The following SPAM1 variants were observed in gnomAD, a reference collection of about 807,000 sequenced individuals.
SPAM1 encodes sperm adhesion molecule 1.
Under a neutral mutation model 29.6 loss-of-function variants are expected in SPAM1, and 22 were observed. That is an observed-to-expected ratio of 0.74 (90% CI 0.53 to 1.06). The LOEUF is 1.06. Ranked by LOEUF, SPAM1 falls within the 50% of genes least tolerant of loss-of-function variation. SPAM1 has a pLI of 0.00. For missense variants in SPAM1, 534 were observed against 604.0 expected, an observed-to-expected ratio of 0.88 and a Z score of 1.21; for synonymous variants, 194 against 204.6, an observed-to-expected ratio of 0.95 and a Z score of 0.44.
At chr7:123,937,908 C>T (rs1808306938) in intron 1 of SPAM1, among the ~76,000 whole-genome samples, 1 of 151,922 alleles carries the variant, frequency 6.6e-6, no homozygotes, top group Non-Finnish European at 1.5e-5. Context: ...TGTGAGAAGA[C>T]AGAAAAAAAG....
chr7:123,926,011 A>G (rs556084633), intron 1 of SPAM1: 1 of 152,324 alleles, frequency 6.6e-6, no homozygotes, highest in South Asian at 2.1e-4. Flanking sequence ...AGGAAAATAA[A>G]AACTCAGAAC....
chr7:123,966,223 C>G (rs1157235042), intron 5 of SPAM1, among the ~76,000 whole-genome samples: 1 of 151,920 alleles, frequency 6.6e-6, no homozygotes, highest in African/African-American at 2.4e-5. Context: ...CAATGAGATA[C>G]CAGCTCACAC....
Position 123,968,948 on chromosome 7 carries a change from C to A in SPAM1, c.1486-1250C>A, listed in dbSNP as rs1407614329. On this transcript the variant is annotated intron_variant, in intron 5 of 6. Coordinates refer to the SPAM1 transcript ENST00000340011. ...TTTTGATTACTTGCTCTGGGCCAGG[C>A]CTGTGTTAAGAAATTATAGGCATTT... 2.6e-5 allele frequency among the ~76,000 whole-genome samples: 4 copies of A among 151,938 alleles called. No individual in the cohort carries two copies. The East Asian group carries it at 7.8e-4, about 29-fold the overall frequency.
At chr7:123,936,321 A>G (rs1159325811) in intron 1 of SPAM1, among the ~76,000 whole-genome samples, 2 of 152,148 alleles carry the variant, frequency 1.3e-5, no homozygotes, top group Admixed American at 6.5e-5. Context: ...GATTAGGGTT[A>G]TTGATTGGTT....
At chr7:123,927,723 G>C (rs1363050259) in intron 1 of SPAM1, among the ~76,000 whole-genome samples, 2 of 152,182 alleles carry the variant, frequency 1.3e-5, no homozygotes, top group African/African-American at 4.8e-5. Flanking sequence ...AAAGAAAGAG[G>C]TTATTAATGT....
intron 5 of SPAM1, among the ~76,000 whole-genome samples, chr7:123,967,466 G>A (rs1224306386): frequency 6.6e-6 from 1 of 152,004 alleles, no homozygotes; most frequent in East Asian, 1.9e-4. Context: ...GGAAATGGTA[G>A]GGTAGGAAAT....
At chr7:123,954,632 A>G (rs1257027251) in intron 3 of SPAM1, 108 bp downstream of exon 3, 2 of 726,718 alleles carry the variant, frequency 2.8e-6, no homozygotes, top group Non-Finnish European at 4.4e-6. Flanking sequence ...AATATTAGTC[A>G]GGAATGTGTA....
At position 123,951,915 on chromosome 7, in the gene SPAM1, C is replaced by T. The variant is rs113120289; in HGVS notation, c.-206-1450C>T. Among the ~76,000 whole-genome samples, 191 of 152,218 alleles carry T rather than the reference C, an allele frequency of 1.3e-3. 1 individual carries two copies. The highest frequency in any genetic ancestry group is 2.5e-3 in the South Asian group (12 of 4,824). ...CGGATTACAGGCATGAGCCATCATGCCCAGCTCCCCATCTTTTTCTTACAT... is the reference window on the plus strand; with the variant it reads ...CGGATTACAGGCATGAGCCATCATGTCCAGCTCCCCATCTTTTTCTTACAT... On this transcript the variant is annotated intron_variant, in intron 2 of 4. Coordinates refer to ENST00000682466, the MANE Select transcript of SPAM1 (RefSeq NM_153189.3).
downstream of SPAM1, among the ~76,000 whole-genome samples, chr7:123,961,589 C>T (rs116018630): frequency 4.7e-3 from 719 of 152,032 alleles, 9 homozygotes; most frequent in African/African-American, 0.016. Context: ...TTTAGACTGA[C>T]TCCATACCTT....
In SPAM1 at chr7:123,931,728, G is replaced by A. The variant is rs76698654; in HGVS notation, c.-319+6376G>A. 6.8e-4 allele frequency among the ~76,000 whole-genome samples: 104 copies of A among 152,068 alleles called. 3 individuals are homozygous for A. In the East Asian group the frequency reaches 0.019, roughly 27 times the overall value. On this transcript the variant is annotated intron_variant, in intron 1 of 4. Coordinates refer to ENST00000682466, the MANE Select transcript of SPAM1 (RefSeq NM_153189.3). ...TTGATTTTTCAGCATACCCTCCAAT[G>A]TCTAGTGTTCCTAGCCTTATGGTAG...
intron 6 of SPAM1, chr7:123,970,327 G>A (rs911526870): frequency 6.7e-7 from 1 of 1,484,828 alleles, no homozygotes; most frequent in Non-Finnish European, 9.1e-7. Flanking sequence ...TCTTCCATAT[G>A]TTTCTGTCTG....
intron 4 of SPAM1, among the ~76,000 whole-genome samples, chr7:123,958,177 A>C (rs1368477192): frequency 1.3e-5 from 2 of 152,054 alleles, no homozygotes; most frequent in African/African-American, 4.8e-5. Flanking sequence ...ATATATTCAG[A>C]TGGAAGCTGC....
At chr7:123,940,656 C>A (rs1165911152) in intron 1 of SPAM1, among the ~76,000 whole-genome samples, 2 of 151,840 alleles carry the variant, frequency 1.3e-5, no homozygotes, top group Admixed American at 1.3e-4. Context: ...GCCCAGCTAA[C>A]TTTTTTATTT....
chr7:123,951,780 C>G (rs1483912220), intron 2 of SPAM1, among the ~76,000 whole-genome samples: 1 of 152,042 alleles, frequency 6.6e-6, no homozygotes, highest in Non-Finnish European at 1.5e-5. Context: ...TACCACCATG[C>G]TTGGCTAATT....
downstream of SPAM1, among the ~76,000 whole-genome samples, chr7:123,964,047 GAC>G (rs1554431794): frequency 6.6e-6 from 1 of 151,536 alleles, no homozygotes; most frequent in African/African-American, 2.4e-5. Context: ...TATTTTATAA[GAC>G]AGTATATTAA....
intron 5 of SPAM1, among the ~76,000 whole-genome samples, chr7:123,965,922 T>C (rs879476708): frequency 1.3e-5 from 2 of 152,022 alleles, no homozygotes; most frequent in Non-Finnish European, 2.9e-5. Flanking sequence ...TATTGACAAG[T>C]GCGATCTAAT....
At chr7:123,948,954 T>G (rs1461424743) in intron 1 of SPAM1, among the ~76,000 whole-genome samples, 1 of 148,746 alleles carries the variant, frequency 6.7e-6, no homozygotes, top group African/African-American at 2.4e-5. Flanking sequence ...AGCTGAGGAC[T>G]AAGCCAAGAA....
downstream of SPAM1, chr7:123,960,110 G>A (rs1792339623): frequency 2.5e-6 from 3 of 1,206,046 alleles, no homozygotes; most frequent in Middle Eastern, 5.5e-4. Flanking sequence ...AGGAAATGAC[G>A]ATTTTCTTTG....
At chr7:123,945,182 A>G (rs961558753) in intron 1 of SPAM1, among the ~76,000 whole-genome samples, 7 of 152,124 alleles carry the variant, frequency 4.6e-5, no homozygotes, top group African/African-American at 1.4e-4. Flanking sequence ...CTTTATTTCT[A>G]TAACTTTCTT....
Sources: allele counts gnomAD v4.1 joint callset (sites outside exome capture counted in the v4.1 genomes callset), GRCh38; gene constraint gnomAD v4.1.1; transcripts MANE v1.5; gene names NCBI Gene and HGNC (gene_info 2026-07-23, HGNC 2026-07-21).